The following RAD21L1 variants were observed in gnomAD, a reference collection of about 807,000 sequenced individuals.
The protein encoded by RAD21L1 is RAD21 cohesin complex component like 1.
In RAD21L1, 47 loss-of-function variants were observed where a neutral mutation model predicts 69.0. That is an observed-to-expected ratio of 0.68 (90% CI 0.54 to 0.87). The LOEUF is 0.87. RAD21L1 is among the 40% of genes least tolerant of loss of function. The pLI, the probability that RAD21L1 is intolerant of heterozygous loss-of-function variation, is 0.00. For missense variants in RAD21L1, 583 were observed against 647.6 expected (o/e 0.90, Z 1.08); for synonymous variants, 177 against 205.8 (o/e 0.86, Z 1.20).
At chr20:1,230,066 G>C (rs1476375269) in intron 3 of RAD21L1, 57 bp downstream of exon 3, 2 of 1,370,072 alleles carry the variant, frequency 1.5e-6, no homozygotes, top group African/African-American at 2.9e-5. Context: ...TTTTAATTGG[G>C]GGTGGGATCT....
chr20:1,253,132 C>T (rs1445058418), intron 13 of RAD21L1, among the ~76,000 whole-genome samples: 3 of 152,124 alleles, frequency 2.0e-5, no homozygotes, highest in African/African-American at 7.2e-5. Context: ...GAACCTGGGC[C>T]ACGCCTTTGG....
chr20:1,242,781 G>A lies in RAD21L1; in HGVS notation c.1019G>A (p.Arg340Lys). The A allele has an allele frequency of 1.3e-6, 2 of 1,551,610 alleles. No individual in the cohort carries two copies. The highest frequency in any genetic ancestry group is 1.7e-6 in the Non-Finnish European group (2 of 1,146,914). ...CAAAGATTGATGATGTGGAAGAAGAGGGGAGGAGTGCATACACTTCTGTCA... is the reference window on the plus strand; with the variant it reads ...CAAAGATTGATGATGTGGAAGAAGAAGGGAGGAGTGCATACACTTCTGTCA... ...PTQRLMMWKK[R>K]GGVHTLLSTA... The change falls in exon 9 of 14, where the codon AGG becomes AAG. Residue 340 changes from arginine to lysine, a missense_variant. By Grantham distance (26) the Arg-to-Lys change is conservative (BLOSUM62 2). Coordinates refer to ENST00000683101, the MANE Select transcript of RAD21L1 (RefSeq NM_001384355.1).
At position 1,239,380 on chromosome 20, in the gene RAD21L1, C is replaced by A; in HGVS notation, c.715C>A (p.Pro239Thr). Reference protein sequence around the residue: ...DMHLNREISLPSEPPNSLAVE... With the variant: ...DMHLNREISLTSEPPNSLAVE... ...GCATTTGAACAGAGAAATTTCCCTG[C>A]CTTCTGAGCCTCCCAATAGTTTAGC... Residue 239 changes from proline to threonine, a missense_variant, in exon 7 of 14, where the codon CCT becomes ACT. Coordinates refer to ENST00000683101, the MANE Select transcript of RAD21L1 (RefSeq NM_001384355.1). 1.3e-6 allele frequency: 2 copies of A among 1,547,546 alleles called. No homozygotes were observed. Among genetic ancestry groups the A allele is most frequent in the South Asian group, 1.2e-5 (1 of 83,932 alleles).
chr20:1,240,469 A>G, intron 8 of RAD21L1, 35 bp downstream of exon 8: 1 of 1,529,700 alleles, frequency 6.5e-7, no homozygotes, highest in Non-Finnish European at 8.8e-7. Context: ...TTAATTTTTA[A>G]TACACTGTTA....
intron 13 of RAD21L1, among the ~76,000 whole-genome samples, chr20:1,249,321 C>G (rs935483238): frequency 6.6e-6 from 1 of 152,134 alleles, no homozygotes; most frequent in Non-Finnish European, 1.5e-5. Flanking sequence ...CTTCCCCTCC[C>G]TAGTATACTT....
At position 1,239,413 on chromosome 20, in the gene RAD21L1, T is replaced by C; in HGVS notation, c.742+6T>C. ...GCCTCCCAATAGTTTAGCAGGTAGG[T>C]TGAAATTTTCCTTTATGAGAAAGTA... On this transcript the variant is annotated splice_donor_region_variant and intron_variant, in intron 7 of 13. Transcript: ENST00000683101. The C allele has an allele frequency of 6.6e-7, 1 of 1,510,960 alleles. No individual in the cohort carries two copies. The highest frequency in any genetic ancestry group is 9.0e-7 in the Non-Finnish European group (1 of 1,112,502). The allele number at this position is 1,510,960 out of a possible 1,614,324, so 93.6% of individuals were successfully genotyped here.
chr20:1,229,171 T>C (rs1463239595), intron 2 of RAD21L1, among the ~76,000 whole-genome samples: 1 of 152,240 alleles, frequency 6.6e-6, no homozygotes, highest in Non-Finnish European at 1.5e-5. Context: ...ACAACAACCC[T>C]ATGAGGTTGG....
chr20:1,242,532 T>C (rs1044437790), intron 8 of RAD21L1, 87 bp from the exon 9 acceptor site: 3 of 1,056,958 alleles, frequency 2.8e-6, no homozygotes, highest in Admixed American at 2.0e-5. Context: ...CGTGCCTGGC[T>C]TAGAAATTTC....
At chr20:1,242,893 AAAT>A in intron 9 of RAD21L1, 48 bp downstream of exon 9, 1 of 1,168,866 alleles carries the variant, frequency 8.6e-7, no homozygotes. Flanking sequence ...GGTTATAAAT[AAAT>A]AATAAATAAA....
At position 1,255,392 on chromosome 20, in the gene RAD21L1, T is replaced by G. The variant is rs2087914974; in HGVS notation, c.*935T>G. ...GTTTTCCTTTTTTCTTAATTGAAGTTTGAGTTAGGACATTTTCATATGATG... is the reference window on the plus strand; with the variant it reads ...GTTTTCCTTTTTTCTTAATTGAAGTGTGAGTTAGGACATTTTCATATGATG... On this transcript the variant is annotated 3_prime_UTR_variant, in exon 14 of 14. Coordinates refer to ENST00000683101, the MANE Select transcript of RAD21L1 (RefSeq NM_001384355.1). 6.6e-6 allele frequency among the ~76,000 whole-genome samples: 1 copy of G among 152,166 alleles called. No homozygotes were observed. Among genetic ancestry groups the G allele is most frequent in the African/African-American group, 2.4e-5 (1 of 41,434 alleles).
At chr20:1,248,819 A>G (rs1269023858) in intron 13 of RAD21L1, 116 bp downstream of exon 13, 2 of 570,968 alleles carry the variant, frequency 3.5e-6, no homozygotes, top group East Asian at 3.2e-5. Context: ...TTTGAGGCCA[A>G]ATCCCACTAG....
At chr20:1,250,921 C>T (rs961186302) in intron 13 of RAD21L1, among the ~76,000 whole-genome samples, 8 of 152,208 alleles carry the variant, frequency 5.3e-5, no homozygotes, top group African/African-American at 1.2e-4. Context: ...TCCAAACCAG[C>T]GGCTGTTTAG....
At position 1,246,226 on chromosome 20, in the gene RAD21L1, T is replaced by C. The variant is rs550465795; in HGVS notation, c.1322T>C (p.Met441Thr). 3 of 1,538,358 alleles carry C rather than the reference T, an allele frequency of 2.0e-6. No individual in the cohort carries two copies. Among genetic ancestry groups the C allele is most frequent in the East Asian group, 5.0e-5 (2 of 40,282 alleles). The change falls in exon 12 of 14, where the codon ATG becomes ACG. Residue 441 changes from methionine to threonine, a missense_variant. Met to Thr is a moderately conservative substitution (Grantham distance 81). Transcript: ENST00000683101. This position sits in a 1 kb window ranked among gnomAD's most constrained non-coding sequence, Gnocchi z 4.6. ...TTGCTTCAGCAGGATATTGTTGAAA[T>C]GGTGTCTTTAGCTGCTGAGGAATCA... is the stretch of plus-strand genomic sequence containing the variant. Reference protein sequence around the residue: ...KNINSEDIVEMVSLAAEESSL... With the variant: ...KNINSEDIVETVSLAAEESSL...
intron 6 of RAD21L1, among the ~76,000 whole-genome samples, chr20:1,238,499 A>T (rs1480404160): frequency 6.6e-6 from 1 of 152,128 alleles, no homozygotes; most frequent in Non-Finnish European, 1.5e-5. Flanking sequence ...GAGTGAGGTT[A>T]GTATATTCCT....
intron 13 of RAD21L1, among the ~76,000 whole-genome samples, chr20:1,250,508 T>G (rs2087807048): frequency 6.6e-6 from 1 of 152,258 alleles, no homozygotes; most frequent in African/African-American, 2.4e-5. Flanking sequence ...GTTTCCAGCT[T>G]CATCCATGTC....
chr20:1,240,546 G>A (rs2087586019), intron 8 of RAD21L1, 112 bp downstream of exon 8: 10 of 1,411,850 alleles, frequency 7.1e-6, no homozygotes, highest in Non-Finnish European at 9.2e-6. Flanking sequence ...TCTAGTAATA[G>A]CACTTGTAAC....
At chr20:1,253,042 GA>G (rs1002808527) in intron 13 of RAD21L1, among the ~76,000 whole-genome samples, 2 of 152,136 alleles carry the variant, frequency 1.3e-5, no homozygotes, top group African/African-American at 4.8e-5. Context: ...TCCCAGGGGG[GA>G]AAAGCCATCC....
At chr20:1,253,124 A>G (rs1200780390) in intron 13 of RAD21L1, among the ~76,000 whole-genome samples, 1 of 152,160 alleles carries the variant, frequency 6.6e-6, no homozygotes, top group Non-Finnish European at 1.5e-5. Context: ...AGGTTACTGA[A>G]CCTGGGCCAC....
intron 4 of RAD21L1, among the ~76,000 whole-genome samples, chr20:1,233,008 C>G (rs567789443): frequency 3.9e-5 from 6 of 152,238 alleles, no homozygotes; most frequent in African/African-American, 1.4e-4. Context: ...AAAAAGACAC[C>G]ATCTATGAGG....
Sources: allele counts gnomAD v4.1 joint callset (sites outside exome capture counted in the v4.1 genomes callset), GRCh38; gene constraint gnomAD v4.1.1; non-coding constraint Gnocchi (gnomAD v3.1); transcripts MANE v1.5; gene names NCBI Gene and HGNC (gene_info 2026-07-23, HGNC 2026-07-21).